ART3: variants seen among roughly 807,000 people sequenced by gnomAD.
The protein encoded by ART3 is ecto-ADP-ribosyltransferase 3.
A neutral mutation model predicts 48.5 loss-of-function variants in ART3; 49 were observed. That is an observed-to-expected ratio of 1.01 (90% confidence interval 0.80 to 1.28). ART3 has a LOEUF of 1.28. ART3 is among the 50% of genes most tolerant of loss of function. ART3 has a pLI of 0.00. For missense variants in ART3, 438 were observed against 454.3 expected, an observed-to-expected ratio of 0.96 and a Z score of 0.33; for synonymous variants, 145 against 157.2, an observed-to-expected ratio of 0.92 and a Z score of 0.58.
chr4:76,013,005 T>C (rs1219755267), intron 1 of ART3, among the ~76,000 whole-genome samples: 1 of 152,222 alleles, frequency 6.6e-6, no homozygotes, highest in Non-Finnish European at 1.5e-5. Context: ...AGGTCACATA[T>C]GTGAACAATG....
intron 1 of ART3, among the ~76,000 whole-genome samples, chr4:76,040,901 TG>T (rs1194002948): frequency 1.3e-5 from 2 of 152,198 alleles, no homozygotes; most frequent in Non-Finnish European, 2.9e-5. Context: ...CAGGTGCTAA[TG>T]TGGATACTCT....
chr4:76,012,373 A>G (rs978009025), intron 1 of ART3: 1 of 152,212 alleles, frequency 6.6e-6, no homozygotes, highest in Non-Finnish European at 1.5e-5. Flanking sequence ...TAAACTGACT[A>G]GAAAGGGGTT....
chr4:76,023,238 A>C (rs1276183240), intron 1 of ART3: 365 of 637,742 alleles, frequency 5.7e-4, no homozygotes, highest in Non-Finnish European at 7.3e-4. Flanking sequence ...ATCTGAGGGA[A>C]TCTCTATTTA....
intron 8 of ART3, 91 bp downstream of exon 8, chr4:76,101,110 A>G: frequency 6.7e-7 from 1 of 1,492,472 alleles, no homozygotes; most frequent in Non-Finnish European, 9.2e-7. Context: ...TGGTAAGAAA[A>G]GTGGGAGGAA....
intron 1 of ART3, among the ~76,000 whole-genome samples, chr4:76,043,746 T>C (rs991988736): frequency 1.3e-5 from 2 of 149,978 alleles, no homozygotes; most frequent in Admixed American, 6.7e-5. Flanking sequence ...AGTGCAGCAG[T>C]GGGCTGAAGG....
intron 1 of ART3, among the ~76,000 whole-genome samples, chr4:76,018,434 C>T (rs945206966): frequency 6.6e-6 from 1 of 152,044 alleles, no homozygotes; most frequent in East Asian, 1.9e-4. Context: ...GGGACCTACT[C>T]GACAGTGGGG....
intron 1 of ART3, among the ~76,000 whole-genome samples, chr4:76,068,686 A>G (rs927386712): frequency 6.6e-6 from 1 of 152,178 alleles, no homozygotes; most frequent in African/African-American, 2.4e-5. Flanking sequence ...ACTGTTGTGT[A>G]CTAGGCTTAG....
chr4:76,022,591 A>G, intron 1 of ART3: 1 of 1,481,742 alleles, frequency 6.7e-7, no homozygotes, highest in Non-Finnish European at 9.2e-7. Flanking sequence ...TTTTAGAATC[A>G]TCACAAACCC....
At chr4:76,048,899 TA>T (rs1195424389) in intron 1 of ART3, among the ~76,000 whole-genome samples, 6 of 151,996 alleles carry the variant, frequency 3.9e-5, no homozygotes, top group African/African-American at 1.4e-4. Context: ...CCCTGTCCTA[TA>T]AAGATCTTAT....
upstream of ART3, among the ~76,000 whole-genome samples, chr4:76,071,616 A>G (rs928969678): frequency 3.3e-5 from 5 of 152,174 alleles, no homozygotes; most frequent in African/African-American, 1.2e-4. Context: ...CCACATTGCT[A>G]AATCCAATGG....
chr4:76,098,968 C>T lies in ART3; in HGVS notation c.828C>T (p.Pro276=). The change falls in exon 5 of 12, where the codon CCC becomes CCT. Residue 276 remains proline (P), a synonymous_variant. Transcript: ENST00000355810. ...NCIENLEYFQ[P]IYVYNPGEKN... Reference sequence around the variant, plus strand: ...TCTGTATTTCAGAATATTTTCAACCCATCTATGTCTACAACCCTGGTGAGT... The same window carrying T: ...TCTGTATTTCAGAATATTTTCAACCTATCTATGTCTACAACCCTGGTGAGT... 6.2e-7 allele frequency: 1 copy of T among 1,609,268 alleles called. No homozygotes were observed. The highest frequency in any genetic ancestry group is 8.5e-7 in the Non-Finnish European group (1 of 1,175,756).
intron 2 of ART3, among the ~76,000 whole-genome samples, chr4:76,080,960 T>G (rs7662240): frequency 0.11 from 16,875 of 152,256 alleles, 1,269 homozygotes; most frequent in East Asian, 0.34. Context: ...GCTTCTTATG[T>G]TATGTGAACA....
At position 76,100,805 on chromosome 4, in the gene ART3, C is replaced by T. The variant is rs377025858; in HGVS notation, c.888C>T (p.Asn296=). The T allele has an allele frequency of 2.4e-4, 380 of 1,612,166 alleles. 1 individual carries two copies. Among genetic ancestry groups the T allele is most frequent in the South Asian group, 2.5e-4 (23 of 90,414 alleles). ...NQKLEDHSEK[N]WKLEDHGEKN... ...CTTTTTGTGACTCAGGTGAGAAAAACTGGAAGCTTGAAGACCATGGTAAGA... is the reference window on the plus strand; with the variant it reads ...CTTTTTGTGACTCAGGTGAGAAAAATTGGAAGCTTGAAGACCATGGTAAGA... The change falls in exon 7 of 12, where the codon AAC becomes AAT. Residue 296 remains asparagine (N), a synonymous_variant. Coordinates refer to ENST00000355810, the MANE Select transcript of ART3 (RefSeq NM_001130016.3).
intron 2 of ART3, among the ~76,000 whole-genome samples, chr4:76,081,470 G>A (rs1722451427): frequency 6.6e-6 from 1 of 152,210 alleles, no homozygotes; most frequent in Non-Finnish European, 1.5e-5. Flanking sequence ...CAGCCTTGAA[G>A]GGTTGAAGAA....
At chr4:76,018,541 C>T (rs1732470918) in intron 1 of ART3, among the ~76,000 whole-genome samples, 1 of 152,048 alleles carries the variant, frequency 6.6e-6, no homozygotes, top group Non-Finnish European at 1.5e-5. Context: ...CCACAACACA[C>T]GATTTACCCA....
chr4:76,022,568 TG>T, intron 1 of ART3: 4 of 1,474,898 alleles, frequency 2.7e-6, no homozygotes, highest in Non-Finnish European at 2.8e-6. Context: ...TGTTTTTGTT[TG>T]CTGTACATTA....
At chr4:76,088,407 G>A (rs1234623646) in intron 3 of ART3, among the ~76,000 whole-genome samples, 1 of 152,084 alleles carries the variant, frequency 6.6e-6, no homozygotes, top group East Asian at 1.9e-4. Context: ...TTGATAGAAA[G>A]GAGGAGCCTG....
At chr4:76,071,515 C>T (rs1414670719), upstream of ART3, among the ~76,000 whole-genome samples, 2 of 151,910 alleles carry the variant, frequency 1.3e-5, no homozygotes, top group East Asian at 3.9e-4. Flanking sequence ...GTCTCCAATT[C>T]CTCTTTTCAT....
At chr4:76,050,776 G>A (rs1004882579) in intron 1 of ART3, among the ~76,000 whole-genome samples, 3 of 152,182 alleles carry the variant, frequency 2.0e-5, no homozygotes, top group African/African-American at 2.4e-5. Context: ...CAGGCATGGC[G>A]GGCTGCAGGT....
Sources: allele counts gnomAD v4.1 joint callset (sites outside exome capture counted in the v4.1 genomes callset), GRCh38; gene constraint gnomAD v4.1.1; transcripts MANE v1.5; gene names NCBI Gene and HGNC (gene_info 2026-07-23, HGNC 2026-07-21).